The following PIK3C2G variants were observed in gnomAD, a reference collection of about 807,000 sequenced individuals.
PIK3C2G encodes phosphatidylinositol 3-kinase C2 domain-containing subunit gamma.
A neutral mutation model predicts 181.1 loss-of-function variants in PIK3C2G; 168 were observed. The ratio of observed to expected loss-of-function variants is 0.93; its 90% CI spans 0.82 to 1.05. The LOEUF (loss-of-function observed/expected upper bound fraction) is 1.05, where lower values mean the gene tolerates loss of function less well. Ranked by LOEUF, PIK3C2G falls within the 50% of genes least tolerant of loss-of-function variation. The pLI is 0.00. For synonymous variants in PIK3C2G, 573 were observed against 592.2 expected, an observed-to-expected ratio of 0.97 and a Z score of 0.47; for missense variants, 1,869 against 1,732.8, an observed-to-expected ratio of 1.08 and a Z score of -1.40.
intron 24 of PIK3C2G, among the ~76,000 whole-genome samples, chr12:18,533,519 CA>C (rs1262583239): frequency 6.6e-6 from 1 of 152,086 alleles, no homozygotes; most frequent in East Asian, 1.9e-4. Context: ...AAATGTTTTG[CA>C]AAAGTCTCTT....
chr12:18,328,044 G>A (rs1028367653), intron 8 of PIK3C2G, among the ~76,000 whole-genome samples: 1 of 151,944 alleles, frequency 6.6e-6, no homozygotes, highest in African/African-American at 2.4e-5. Flanking sequence ...AAATGCCAGT[G>A]AGGATCATGG....
At chr12:18,273,873 C>T (rs1163591609) in intron 1 of PIK3C2G, among the ~76,000 whole-genome samples, 1 of 152,098 alleles carries the variant, frequency 6.6e-6, no homozygotes, top group African/African-American at 2.4e-5. Context: ...AGGCAACCTA[C>T]AGAATGGGAG....
At chr12:18,485,070 G>T (rs556080399) in intron 18 of PIK3C2G, among the ~76,000 whole-genome samples, 1 of 152,170 alleles carries the variant, frequency 6.6e-6, no homozygotes, top group East Asian at 1.9e-4. Context: ...TTCCTCTCTT[G>T]ACCCACAGAA....
the PIK3C2G span, among the ~76,000 whole-genome samples, chr12:18,662,654 T>G: frequency 0.017 from 2,650 of 152,204 alleles, 41 homozygotes; most frequent in Middle Eastern, 0.054. Context: ...TAATTATTGG[T>G]TCATATATCT....
chr12:18,371,940 G>A (rs765171579), intron 13 of PIK3C2G, among the ~76,000 whole-genome samples: 12 of 152,054 alleles, frequency 7.9e-5, no homozygotes, highest in South Asian at 2.1e-4. Flanking sequence ...TTTTTCACAC[G>A]GCTAGTCTTG....
the PIK3C2G span, among the ~76,000 whole-genome samples, chr12:18,711,243 A>G: frequency 1.3e-5 from 2 of 151,738 alleles, no homozygotes; most frequent in African/African-American, 2.4e-5. Flanking sequence ...AGAGACATGG[A>G]TGAAACTGGA....
chr12:18,448,822 A>T (rs1947173391), intron 18 of PIK3C2G, among the ~76,000 whole-genome samples: 1 of 151,324 alleles, frequency 6.6e-6, no homozygotes. Flanking sequence ...ATACACACAC[A>T]TATATATATA....
chr12:18,251,718 C>T (rs937939923), intron 1 of PIK3C2G, among the ~76,000 whole-genome samples: 23 of 151,922 alleles, frequency 1.5e-4, no homozygotes, highest in African/African-American at 5.3e-4. Flanking sequence ...TTAATAATAA[C>T]CATAGCTTGA....
At chr12:18,671,405 G>A in the PIK3C2G span, among the ~76,000 whole-genome samples, 3 of 152,034 alleles carry the variant, frequency 2.0e-5, no homozygotes, top group Non-Finnish European at 4.4e-5. Flanking sequence ...ACGAGAGCCT[G>A]GCCCCTTTGT....
downstream of PIK3C2G, among the ~76,000 whole-genome samples, chr12:18,650,331 C>CTCTATATATATATA (rs1555163997): frequency 7.6e-5 from 7 of 91,972 alleles, no homozygotes; most frequent in Admixed American, 7.3e-4. Context: ...CTCTCTCTCT[C>CTCTATATATATATA]TATATATATA....
At chr12:18,246,404 C>A (rs1285567498), upstream of PIK3C2G, among the ~76,000 whole-genome samples, 1 of 152,066 alleles carries the variant, frequency 6.6e-6, no homozygotes, top group Non-Finnish European at 1.5e-5. Context: ...ATGTATTATA[C>A]TGAGTCCAAT....
intron 29 of PIK3C2G, among the ~76,000 whole-genome samples, chr12:18,592,475 T>C (rs1947136059): frequency 1.3e-5 from 2 of 151,902 alleles, no homozygotes; most frequent in African/African-American, 2.4e-5. Flanking sequence ...TATGTAGTTT[T>C]TAAGAGAGGG....
At chr12:18,709,720 G>GA in the PIK3C2G span, among the ~76,000 whole-genome samples, 9 of 150,622 alleles carry the variant, frequency 6.0e-5, no homozygotes, top group Admixed American at 2.6e-4. Flanking sequence ...CACCCCAAGG[G>GA]AAAAAAAACC....
At chr12:18,623,607 G>A (rs1298892991) in intron 31 of PIK3C2G, among the ~76,000 whole-genome samples, 2 of 151,684 alleles carry the variant, frequency 1.3e-5, no homozygotes, top group African/African-American at 4.8e-5. Flanking sequence ...TGTTTGCACT[G>A]AATCTGTAGA....
chr12:18,667,022 G>T, the PIK3C2G span, among the ~76,000 whole-genome samples: 1 of 152,130 alleles, frequency 6.6e-6, no homozygotes, highest in South Asian at 2.1e-4. Context: ...TCTCAATAAT[G>T]GTGTAGGCTA....
rs150516301 is a variant in PIK3C2G, at chr12:18,580,702, T to G, written c.4011+13645T>G. Among the ~76,000 whole-genome samples the G allele has an allele frequency of 7.6e-3, 1,164 of 152,306 alleles. 9 individuals are homozygous for G. The highest frequency in any genetic ancestry group is 0.012 in the African/African-American group (498 of 41,572). On this transcript the variant is annotated intron_variant, in intron 29 of 32. Transcript: ENST00000538779. ...TTCTTCCATGTAACTCTAATATGAATATAGTGGGTGGAACTACATTAAAGA... is the reference window on the plus strand; with the variant it reads ...TTCTTCCATGTAACTCTAATATGAAGATAGTGGGTGGAACTACATTAAAGA...
rs963490570 is a variant in PIK3C2G, at chr12:18,594,642, T to C, written c.4087+73T>C. The C allele has an allele frequency of 4.8e-5, 36 of 749,248 alleles. No individual in the cohort carries two copies. In the African/African-American group the frequency reaches 5.9e-4, roughly 12 times the overall value. 46.4% of individuals were successfully genotyped at this position (749,248 alleles called of 1,614,324 possible). ...TGGACAAAAAGATATCACAACTAAT[T>C]TTTTTCAATTTTTCAATTAAAATCT... is the stretch of plus-strand genomic sequence containing the variant. On this transcript the variant is annotated intron_variant, in intron 30 of 32. Coordinates refer to ENST00000538779, the MANE Select transcript of PIK3C2G (RefSeq NM_001288772.2).
chr12:18,294,318 A>G (rs1397275556), intron 5 of PIK3C2G, among the ~76,000 whole-genome samples: 6 of 152,102 alleles, frequency 3.9e-5, no homozygotes, highest in African/African-American at 1.4e-4. Context: ...TAAAACCAGT[A>G]AAGTCCCAAA....
intron 18 of PIK3C2G, among the ~76,000 whole-genome samples, chr12:18,460,460 G>T (rs566117949): frequency 6.6e-6 from 1 of 151,924 alleles, no homozygotes; most frequent in South Asian, 2.1e-4. Flanking sequence ...TGTAATCCCA[G>T]CTACTCAGGA....
Sources: allele counts gnomAD v4.1 joint callset (sites outside exome capture counted in the v4.1 genomes callset), GRCh38; gene constraint gnomAD v4.1.1; transcripts MANE v1.5; gene names NCBI Gene and HGNC (gene_info 2026-07-23, HGNC 2026-07-21).